Variants in BAIAP2L1 observed in about 807,000 individuals in gnomAD.
The protein encoded by BAIAP2L1 is BAR/IMD domain-containing adapter protein 2-like 1.
Under a neutral mutation model 66.3 loss-of-function variants are expected in BAIAP2L1, and 35 were observed. That is an observed-to-expected ratio of 0.53 (90% CI 0.40 to 0.70). The LOEUF is 0.70. Ranked by LOEUF, BAIAP2L1 falls within the 30% of genes least tolerant of loss-of-function variation. BAIAP2L1 has a pLI of 0.00. For missense variants in BAIAP2L1, 622 were observed against 656.9 expected (o/e 0.95, Z 0.58); for synonymous variants, 269 against 248.7 (o/e 1.08, Z -0.77).
At position 98,307,768 on chromosome 7, in the gene BAIAP2L1, C is replaced by T; in HGVS notation, c.1084G>A (p.Ala362Thr). The T allele has an allele frequency of 6.2e-7, 1 of 1,614,248 alleles. No homozygotes were observed. The highest frequency in any genetic ancestry group is 1.1e-5 in the South Asian group (1 of 91,078). The change falls in exon 10 of 14, where the codon GCA becomes ACA. Residue 362 changes from alanine to threonine, a missense_variant. By Grantham distance (58) the Ala-to-Thr change is moderately conservative (BLOSUM62 0). Coordinates refer to ENST00000005260, the MANE Select transcript of BAIAP2L1 (RefSeq NM_018842.5). The part of the protein sequence containing the change: ...AGSNKTLLSF[A>T]QGDVITLLIP... ...AGCAGCGTGATGACATCTCCCTGTG[C>T]AAAGCTGAGTAAGGTCTTGTTGGAG...
chr7:98,318,931 G>A (rs1409303450), intron 5 of BAIAP2L1, among the ~76,000 whole-genome samples: 1 of 135,932 alleles, frequency 7.4e-6, no homozygotes, highest in Admixed American at 7.8e-5. Flanking sequence ...AGGCAACAGA[G>A]CAGGACTCCA....
intron 1 of BAIAP2L1, among the ~76,000 whole-genome samples, chr7:98,394,752 C>T (rs759243031): frequency 7.9e-5 from 12 of 152,166 alleles, no homozygotes; most frequent in Non-Finnish European, 1.5e-4. Context: ...GAAATGAGGG[C>T]CTATGGCCAT....
At chr7:98,310,332 C>A in intron 9 of BAIAP2L1, 113 bp downstream of exon 9, 1 of 1,220,672 alleles carries the variant, frequency 8.2e-7, no homozygotes, top group Non-Finnish European at 1.1e-6. Flanking sequence ...TCTACCATAC[C>A]TGCTTGTTTA....
intron 2 of BAIAP2L1, 137 bp from the exon 3 acceptor site, chr7:98,355,265 G>T: frequency 1.5e-6 from 1 of 672,022 alleles, no homozygotes; most frequent in Non-Finnish European, 2.7e-6. Flanking sequence ...GCTCTCAGGA[G>T]GTAAGACCTG....
rs1457064185 is a variant in BAIAP2L1 at position 98,315,563 on chromosome 7, G to C, written c.536C>G (p.Ala179Gly). Residue 179 changes from alanine to glycine, a missense_variant, in exon 7 of 14, where the codon GCA (alanine) becomes GGA (glycine). Transcript: ENST00000005260. ...SRQSEIQKFI[A>G]DGCKEALLEE... ...AAGCAGAGCCTCTTTGCAACCATCTGCAATGAATTTCTGGATTTCACTCTG... is the reference window on the plus strand; with the variant it reads ...AAGCAGAGCCTCTTTGCAACCATCTCCAATGAATTTCTGGATTTCACTCTG... 1 of 1,493,334 alleles carries C rather than the reference G, an allele frequency of 6.7e-7. No individual in the cohort carries two copies. The highest frequency in any genetic ancestry group is 1.4e-5 in the South Asian group (1 of 71,708). The allele number at this position is 1,493,334 out of a possible 1,614,324, so 92.5% of individuals were successfully genotyped here.
chr7:98,374,497 T>C (rs1802576648), intron 1 of BAIAP2L1, among the ~76,000 whole-genome samples: 1 of 152,202 alleles, frequency 6.6e-6, no homozygotes, highest in Admixed American at 6.5e-5. Context: ...GCAGTTTCCC[T>C]ACTGTCCTTT....
intron 2 of BAIAP2L1, among the ~76,000 whole-genome samples, chr7:98,356,103 T>G (rs6944262): frequency 0.38 from 57,490 of 152,072 alleles, 12,405 homozygotes; most frequent in Middle Eastern, 0.54. Context: ...CCCTTCGAAC[T>G]GATTCTGAAG....
Position 98,380,993 on chromosome 7 carries a change from C to T in BAIAP2L1, c.52-18561G>A, listed in dbSNP as rs993360320. Among the ~76,000 whole-genome samples the T allele has an allele frequency of 3.9e-5, 6 of 152,098 alleles. 1 individual carries two copies. The highest frequency in any genetic ancestry group is 2.6e-4 in the Admixed American group (4 of 15,254). The stretch of plus-strand genomic sequence containing the variant: ...ATACTGAGACGCACAGGTCATCCCC[C>T]GTCCTTTGGGAACATGGGTCCCAGA... On this transcript the variant is annotated intron_variant, in intron 1 of 13. Transcript: ENST00000005260.
intron 2 of BAIAP2L1, among the ~76,000 whole-genome samples, chr7:98,358,648 T>C (rs1802196166): frequency 6.6e-6 from 1 of 152,162 alleles, no homozygotes; most frequent in Non-Finnish European, 1.5e-5. Context: ...TAAGCCACCA[T>C]ACCTAGCATA....
chr7:98,366,072 C>T (rs1456356046), intron 1 of BAIAP2L1, among the ~76,000 whole-genome samples: 1 of 152,158 alleles, frequency 6.6e-6, no homozygotes, highest in East Asian at 1.9e-4. Flanking sequence ...AATGGCCACT[C>T]TACAGTCATC....
intron 3 of BAIAP2L1, among the ~76,000 whole-genome samples, chr7:98,335,290 G>A (rs746669899): frequency 7.0e-6 from 1 of 142,886 alleles, no homozygotes; most frequent in Non-Finnish European, 1.6e-5. Flanking sequence ...CACTTCCAAC[G>A]CTGACCATGG....
chr7:98,372,470 CTTTG>C (rs1001615927), intron 1 of BAIAP2L1, among the ~76,000 whole-genome samples: 6 of 152,056 alleles, frequency 3.9e-5, no homozygotes, highest in East Asian at 1.9e-4. Flanking sequence ...TATTTTAGTG[CTTTG>C]TTTTTCTCAG....
intron 12 of BAIAP2L1, among the ~76,000 whole-genome samples, chr7:98,302,304 C>T (rs1251113016): frequency 6.6e-6 from 1 of 152,180 alleles, no homozygotes; most frequent in African/African-American, 2.4e-5. Flanking sequence ...GAAGACTATC[C>T]AGGGTTGGCC....
At chr7:98,296,290 G>A (rs1267191080) in intron 12 of BAIAP2L1, among the ~76,000 whole-genome samples, 1 of 152,244 alleles carries the variant, frequency 6.6e-6, no homozygotes, top group Non-Finnish European at 1.5e-5. Flanking sequence ...TTCATTGTGT[G>A]CTTTTCTGTC....
chr7:98,313,283 CG>C, intron 7 of BAIAP2L1, among the ~76,000 whole-genome samples: 1 of 152,202 alleles, frequency 6.6e-6, no homozygotes, highest in African/African-American at 2.4e-5. Flanking sequence ...TTCAGATACT[CG>C]AAGAAACTTC....
rs775169456 is a variant in BAIAP2L1, at chr7:98,293,603, G to A, written c.1461-7C>T. ...GGCAAAGGGGTTTTCTCCGCTGCAGGGGATAAGAAAAATCTTTCAGAACTT... is the reference window on the plus strand; with the variant it reads ...GGCAAAGGGGTTTTCTCCGCTGCAGAGGATAAGAAAAATCTTTCAGAACTT... On this transcript the variant is annotated splice_polypyrimidine_tract_variant and splice_region_variant and intron_variant, in intron 13 of 13. Transcript: ENST00000005260. 42 of 1,612,120 alleles carry A rather than the reference G, an allele frequency of 2.6e-5. No homozygotes were observed. The Middle Eastern group carries it at 6.7e-4, about 26-fold the overall frequency.
Position 98,291,650 on chromosome 7 carries a change from T to C in BAIAP2L1, c.*1871A>G, listed in dbSNP as rs1799961180. 2.5e-6 allele frequency: 1 copy of C among 398,134 alleles called. No homozygotes were observed. The highest frequency in any genetic ancestry group is 8.4e-5 in the South Asian group (1 of 11,904). The allele number at this position is 398,134 out of a possible 1,614,324, so 24.7% of individuals were successfully genotyped here. A position where few individuals can be genotyped will look rare whatever the true frequency, so the allele number is the denominator to read the frequency against. On this transcript the variant is annotated 3_prime_UTR_variant, in exon 14 of 14. Transcript: ENST00000005260. ...AGCAGGCGCTTACAGCTCAAGAAAA[T>C]GTTTTCAAGTTCTGCTTTATTATTA...
rs144455691 is a variant in BAIAP2L1, at chr7:98,311,801, G to A, written c.807+296C>T. Among the ~76,000 whole-genome samples the A allele has an allele frequency of 5.2e-4, 79 of 152,170 alleles. 1 individual carries two copies. Among genetic ancestry groups the A allele is most frequent in the African/African-American group, 1.8e-3 (74 of 41,510 alleles). ...CGCCCCAGTAATCCCAGCTACTGAGGAGGCTGAGGCAGGAGAATCACTTGA... is the reference window on the plus strand; with the variant it reads ...CGCCCCAGTAATCCCAGCTACTGAGAAGGCTGAGGCAGGAGAATCACTTGA... On this transcript the variant is annotated intron_variant, in intron 8 of 13. Coordinates refer to ENST00000005260, the MANE Select transcript of BAIAP2L1 (RefSeq NM_018842.5).
intron 2 of BAIAP2L1, among the ~76,000 whole-genome samples, chr7:98,357,785 T>C (rs1194669657): frequency 2.6e-5 from 4 of 152,276 alleles, no homozygotes; most frequent in South Asian, 4.1e-4. Flanking sequence ...CAGTCCGTAA[T>C]GTCATCAGCC....
Sources: gnomAD v4.1 joint callset for allele counts (sites outside exome capture counted in the v4.1 genomes callset) on GRCh38, gnomAD v4.1.1 for gene constraint, MANE v1.5 for transcripts, NCBI Gene and HGNC (gene_info 2026-07-23, HGNC 2026-07-21) for gene names.